SBF2: variants seen among roughly 807,000 people sequenced by gnomAD.
SBF2 encodes the protein SET binding factor 2.
A neutral mutation model predicts 225.2 loss-of-function variants in SBF2; 112 were observed. The observed-to-expected ratio is 0.50, with a 90% CI of 0.43 to 0.58. The LOEUF is 0.58. Among genes scored for constraint, SBF2 ranks in the 20% least tolerant of loss-of-function variants. The pLI is 0.00. For missense variants in SBF2, 1,996 were observed against 2,206.2 expected (o/e 0.90, Z 1.91); for synonymous variants, 763 against 773.3 (o/e 0.99, Z 0.22).
At chr11:10,158,213 A>G (rs1407684573) in intron 2 of SBF2, among the ~76,000 whole-genome samples, 1 of 152,188 alleles carries the variant, frequency 6.6e-6, no homozygotes, top group Non-Finnish European at 1.5e-5. Context: ...GTTTATAGTA[A>G]TAAATGCCTA....
intron 1 of SBF2, among the ~76,000 whole-genome samples, chr11:10,260,654 G>C (rs1364040321): frequency 6.9e-6 from 1 of 144,880 alleles, no homozygotes; most frequent in Non-Finnish European, 1.5e-5. Flanking sequence ...AGTGAGCCGA[G>C]ATTGCGCCAC....
chr11:10,216,539 G>T (rs959473866), intron 1 of SBF2, among the ~76,000 whole-genome samples: 2 of 152,218 alleles, frequency 1.3e-5, no homozygotes, highest in African/African-American at 4.8e-5. Flanking sequence ...GAACGTAGAA[G>T]AATTAGTTCA....
rs145285082 is a variant in SBF2, at chr11:10,067,001, G to A, written c.142-24020C>T. 1.2e-4 allele frequency among the ~76,000 whole-genome samples: 19 copies of A among 152,280 alleles called. 1 individual carries two copies. The highest frequency in any genetic ancestry group is 4.1e-4 in the African/African-American group (17 of 41,562). On this transcript the variant is annotated intron_variant, in intron 2 of 39. Coordinates refer to ENST00000256190, the MANE Select transcript of SBF2 (RefSeq NM_030962.4). ...AGCATCAAGAATATGAACTAGGCTA[G>A]GTATGGTGGCTCACACCTGTAATCC...
intron 17 of SBF2, among the ~76,000 whole-genome samples, chr11:9,868,366 A>AT (rs757161979): frequency 3.5e-5 from 4 of 114,918 alleles, no homozygotes; most frequent in East Asian, 2.2e-4. Context: ...AAAAAAAAAA[A>AT]AATTAGGCGG....
In SBF2 at chr11:9,994,005, C is replaced by T. The variant is rs1322381581; in HGVS notation, c.976-7G>A. The T allele has an allele frequency of 8.3e-7, 1 of 1,206,446 alleles. No homozygotes were observed. The allele number at this position is 1,206,446 out of a possible 1,614,324, so 74.7% of individuals were successfully genotyped here. On this transcript the variant is annotated splice_polypyrimidine_tract_variant and splice_region_variant and intron_variant, in intron 9 of 39. Coordinates refer to ENST00000256190, the MANE Select transcript of SBF2 (RefSeq NM_030962.4). ...CCAAATCTGGGTGTAAAATCTAAAG[C>T]AAAAAAGTTTTGTTATGTAAAATAT...
intron 17 of SBF2, among the ~76,000 whole-genome samples, chr11:9,886,531 G>A (rs1035212048): frequency 4.1e-5 from 4 of 96,642 alleles, no homozygotes; most frequent in African/African-American, 1.8e-4. Context: ...GCTACGGGTA[G>A]CCTGTAGTTC....
chr11:10,193,823 T>C, intron 2 of SBF2, 79 bp downstream of exon 2: 1 of 956,696 alleles, frequency 1.0e-6, no homozygotes, highest in South Asian at 1.3e-5. Context: ...TAACAGCAAA[T>C]GTAACATAAA....
At chr11:9,789,364 T>G in intron 34 of SBF2, 22 bp from the exon 35 acceptor site, 2 of 1,585,022 alleles carry the variant, frequency 1.3e-6, no homozygotes, top group Non-Finnish European at 1.7e-6. Context: ...AACAGAAATA[T>G]AGTTTCATCT....
intron 2 of SBF2, among the ~76,000 whole-genome samples, chr11:10,081,044 G>A (rs1029985406): frequency 2.0e-5 from 3 of 152,100 alleles, no homozygotes; most frequent in African/African-American, 7.2e-5. Flanking sequence ...ACAGCACTAC[G>A]CAGAGTATCA....
rs149440769 is a variant in SBF2 at position 9,967,057 on chromosome 11, C to T, written c.1600+1284G>A. 1.5e-4 allele frequency among the ~76,000 whole-genome samples: 23 copies of T among 152,190 alleles called. 1 individual carries two copies. Among genetic ancestry groups the T allele is most frequent in the African/African-American group, 4.3e-4 (18 of 41,536 alleles). ...ACCAATGTGATATATATCCAAACAACGGAGTATTATTCAGACATTTAAAAA... is the reference window on the plus strand; with the variant it reads ...ACCAATGTGATATATATCCAAACAATGGAGTATTATTCAGACATTTAAAAA... On this transcript the variant is annotated intron_variant, in intron 14 of 39. Coordinates refer to ENST00000256190, the MANE Select transcript of SBF2 (RefSeq NM_030962.4).
intron 1 of SBF2, among the ~76,000 whole-genome samples, chr11:10,197,452 G>A (rs1258899998): frequency 6.6e-6 from 1 of 152,190 alleles, no homozygotes; most frequent in East Asian, 1.9e-4. Context: ...AGATGTACAT[G>A]CTTTAATTTA....
In SBF2 at chr11:9,828,464, C is replaced by T. The variant is rs565267428; in HGVS notation, c.3793+892G>A. On this transcript the variant is annotated intron_variant, in intron 28 of 39. Coordinates refer to ENST00000256190, the MANE Select transcript of SBF2 (RefSeq NM_030962.4). ...TCAGAGAATTTAATGATAAATGGAG[C>T]AAGGCATGCATGGTGTTATTTTACA... is the stretch of plus-strand genomic sequence containing the variant. 237 of 985,346 alleles carry T rather than the reference C, an allele frequency of 2.4e-4. No individual in the cohort carries two copies. The African/African-American group carries it at 3.8e-3, about 16-fold the overall frequency. The allele number at this position is 985,346 out of a possible 1,614,324, so 61.0% of individuals were successfully genotyped here.
At chr11:9,862,152 T>A in intron 17 of SBF2, among the ~76,000 whole-genome samples, 1 of 152,230 alleles carries the variant, frequency 6.6e-6, no homozygotes, top group East Asian at 1.9e-4. Context: ...TTAGAAATCA[T>A]TAACCCCCAA....
At chr11:10,119,985 G>A (rs1030727960) in intron 2 of SBF2, among the ~76,000 whole-genome samples, 2 of 152,160 alleles carry the variant, frequency 1.3e-5, no homozygotes, top group Non-Finnish European at 2.9e-5. Flanking sequence ...ATTGGTAAAT[G>A]TATAGTTCAG....
intron 2 of SBF2, among the ~76,000 whole-genome samples, chr11:10,191,599 G>C (rs1957174254): frequency 6.6e-6 from 1 of 152,130 alleles, no homozygotes; most frequent in African/African-American, 2.4e-5. Flanking sequence ...AACAAATCTT[G>C]AAATGCTATG....
chr11:10,057,441 G>A (rs1365644934), intron 2 of SBF2, among the ~76,000 whole-genome samples: 1 of 152,158 alleles, frequency 6.6e-6, no homozygotes, highest in East Asian at 1.9e-4. Flanking sequence ...GAGGAGGCCA[G>A]TCTTTCTCCC....
intron 32 of SBF2, among the ~76,000 whole-genome samples, chr11:9,804,941 G>C (rs1026912430): frequency 2.6e-5 from 4 of 152,154 alleles, no homozygotes; most frequent in African/African-American, 9.6e-5. Context: ...AATAATTTAT[G>C]ATCTTGTCAT....
intron 26 of SBF2, among the ~76,000 whole-genome samples, chr11:9,833,053 C>T (rs1009183937): frequency 1.3e-5 from 2 of 152,138 alleles, no homozygotes; most frequent in Non-Finnish European, 2.9e-5. Context: ...AAATTGTAAA[C>T]AATTCATAGA....
At position 10,132,449 on chromosome 11, in the gene SBF2, T is replaced by A. The variant is rs10770091; in HGVS notation, c.141+61453A>T. Among the ~76,000 whole-genome samples the A allele has an allele frequency of 6.8e-5, 10 of 146,672 alleles. No individual in the cohort carries two copies. The South Asian group carries it at 1.9e-3, about 28-fold the overall frequency. On this transcript the variant is annotated intron_variant, in intron 2 of 39. Coordinates refer to ENST00000256190, the MANE Select transcript of SBF2 (RefSeq NM_030962.4). The stretch of plus-strand genomic sequence containing the variant: ...GTCCCTTCTGATGTTCAGATGTGTT[T>A]GGAGTTTCTTCCTTCTGGTGGGTTT...
Sources: allele counts gnomAD v4.1 joint callset (sites outside exome capture counted in the v4.1 genomes callset), GRCh38; gene constraint gnomAD v4.1.1; transcripts MANE v1.5; gene names NCBI Gene and HGNC (gene_info 2026-07-23, HGNC 2026-07-21).